ZNF804B: variants seen among roughly 807,000 people sequenced by gnomAD.
ZNF804B encodes the protein zinc finger 804B.
A neutral mutation model predicts 101.4 loss-of-function variants in ZNF804B; 80 were observed. That is an observed-to-expected ratio of 0.79 (90% CI 0.66 to 0.95). The LOEUF is 0.95. ZNF804B is among the 40% of genes least tolerant of loss of function. The probability of loss-of-function intolerance (pLI) is 0.00; values close to 1 mark genes in which losing one functional copy is unlikely to be tolerated. For synonymous variants in ZNF804B, 622 were observed against 558.8 expected, an observed-to-expected ratio of 1.11 and a Z score of -1.59; for missense variants, 1,673 against 1,561.9, an observed-to-expected ratio of 1.07 and a Z score of -1.20.
At chr7:89,134,868 A>G (rs1790606279) in intron 1 of ZNF804B, among the ~76,000 whole-genome samples, 1 of 151,866 alleles carries the variant, frequency 6.6e-6, no homozygotes, top group South Asian at 2.1e-4. Flanking sequence ...TTGAGCTACT[A>G]TGTACTGTGA....
At chr7:89,263,608 G>A (rs1789741706) in intron 2 of ZNF804B, among the ~76,000 whole-genome samples, 1 of 150,316 alleles carries the variant, frequency 6.7e-6, no homozygotes, top group African/African-American at 2.4e-5. Flanking sequence ...TTTTTAAGGT[G>A]ACTTATGCAG....
chr7:88,844,827 C>T (rs1331679659), intron 1 of ZNF804B, among the ~76,000 whole-genome samples: 1 of 152,164 alleles, frequency 6.6e-6, no homozygotes. Flanking sequence ...TGGTTTAACA[C>T]ATAATTTTGA....
intron 1 of ZNF804B, among the ~76,000 whole-genome samples, chr7:88,815,180 A>C (rs7788889): frequency 0.38 from 56,387 of 147,088 alleles, 11,198 homozygotes; most frequent in East Asian, 0.51. Context: ...ATAATAAAAT[A>C]TATAAAATAT....
In ZNF804B at chr7:88,769,257, G is replaced by A. The variant is rs530150335; in HGVS notation, c.108+9173G>A. ...GTCCTGGTGGTAGGTCCACAAAGAA[G>A]ATTTTTCCATAGAGAATTTTTTCCC... is the stretch of plus-strand genomic sequence containing the variant. On this transcript the variant is annotated intron_variant, in intron 1 of 3. Transcript: ENST00000333190. 5.3e-5 allele frequency among the ~76,000 whole-genome samples: 8 copies of A among 152,282 alleles called. No homozygotes were observed. In the East Asian group the frequency reaches 1.5e-3, roughly 29 times the overall value.
At chr7:89,246,898 G>A (rs770935966) in intron 2 of ZNF804B, among the ~76,000 whole-genome samples, 2 of 152,070 alleles carry the variant, frequency 1.3e-5, no homozygotes, top group African/African-American at 2.4e-5. Context: ...GTATGCATGG[G>A]TGCCATCTCT....
At chr7:89,302,557 G>A (rs1187492802) in intron 2 of ZNF804B, among the ~76,000 whole-genome samples, 2 of 151,880 alleles carry the variant, frequency 1.3e-5, no homozygotes, top group African/African-American at 4.8e-5. Flanking sequence ...GTTGATCACA[G>A]AGAAGGAGAG....
intron 1 of ZNF804B, among the ~76,000 whole-genome samples, chr7:89,183,582 G>T (rs1368108659): frequency 6.6e-6 from 1 of 152,092 alleles, no homozygotes; most frequent in Non-Finnish European, 1.5e-5. Flanking sequence ...TTTCCCCTTA[G>T]CTTCAAATAC....
intron 1 of ZNF804B, among the ~76,000 whole-genome samples, chr7:89,057,434 A>T (rs111461867): frequency 0.013 from 1,991 of 152,208 alleles, 53 homozygotes; most frequent in African/African-American, 0.044. Flanking sequence ...CAGACCATCC[A>T]ATGACTGGAG....
At chr7:88,824,245 C>A (rs1791024488) in intron 1 of ZNF804B, among the ~76,000 whole-genome samples, 1 of 152,152 alleles carries the variant, frequency 6.6e-6, no homozygotes, top group Admixed American at 6.6e-5. Flanking sequence ...CATAATCCCA[C>A]ATGTTGTGGA....
chr7:88,786,764 TA>T (rs1437178014), intron 1 of ZNF804B, among the ~76,000 whole-genome samples: 1 of 152,124 alleles, frequency 6.6e-6, no homozygotes, highest in Non-Finnish European at 1.5e-5. Flanking sequence ...TCCATTTCAA[TA>T]ATGAAAATAT....
intron 1 of ZNF804B, among the ~76,000 whole-genome samples, chr7:88,797,762 G>A (rs1790512835): frequency 6.6e-6 from 1 of 152,046 alleles, no homozygotes; most frequent in Non-Finnish European, 1.5e-5. Context: ...TATCCCTCAA[G>A]ATAAGGCTAA....
intron 1 of ZNF804B, among the ~76,000 whole-genome samples, chr7:88,904,251 C>G (rs1338354335): frequency 6.6e-6 from 1 of 152,090 alleles, no homozygotes; most frequent in Non-Finnish European, 1.5e-5. Context: ...TGTCAAAGAT[C>G]AGATAGTTTT....
intron 1 of ZNF804B, among the ~76,000 whole-genome samples, chr7:88,886,725 TAAGA>T (rs1792133977): frequency 6.6e-6 from 1 of 151,564 alleles, no homozygotes; most frequent in African/African-American, 2.4e-5. Flanking sequence ...TAAGTAATCT[TAAGA>T]AAACTATGAA....
chr7:89,041,637 G>C (rs1443137128), intron 1 of ZNF804B, among the ~76,000 whole-genome samples: 1 of 152,196 alleles, frequency 6.6e-6, no homozygotes, highest in African/African-American at 2.4e-5. Flanking sequence ...GATTTGGTGG[G>C]ATGGGGCTGG....
intron 1 of ZNF804B, among the ~76,000 whole-genome samples, chr7:88,822,994 A>G (rs1266092248): frequency 1.3e-5 from 2 of 152,072 alleles, no homozygotes; most frequent in Non-Finnish European, 2.9e-5. Flanking sequence ...GTGTACCACA[A>G]GGTAAGGAGT....
At chr7:89,037,845 G>A (rs114300327) in intron 1 of ZNF804B, among the ~76,000 whole-genome samples, 7 of 152,116 alleles carry the variant, frequency 4.6e-5, no homozygotes, top group African/African-American at 7.2e-5. Flanking sequence ...CGTTCTAAGC[G>A]GCAAATGAAC....
intron 1 of ZNF804B, among the ~76,000 whole-genome samples, chr7:88,847,732 A>G (rs1461833999): frequency 6.6e-6 from 1 of 152,164 alleles, no homozygotes; most frequent in African/African-American, 2.4e-5. Flanking sequence ...ATCTAAATGC[A>G]CTTAGCATGG....
chr7:89,219,192 T>G (rs554321534), intron 2 of ZNF804B, among the ~76,000 whole-genome samples: 7 of 152,132 alleles, frequency 4.6e-5, no homozygotes, highest in Admixed American at 4.6e-4. Context: ...ACTTAACTAG[T>G]TAGTGACAGA....
At chr7:89,118,756 G>A (rs1248199779) in intron 1 of ZNF804B, among the ~76,000 whole-genome samples, 1 of 151,856 alleles carries the variant, frequency 6.6e-6, no homozygotes, top group Non-Finnish European at 1.5e-5. Flanking sequence ...ATTTTTTGTG[G>A]GAAAGTATTA....
Sources: allele counts gnomAD v4.1 joint callset (sites outside exome capture counted in the v4.1 genomes callset), GRCh38; gene constraint gnomAD v4.1.1; transcripts MANE v1.5; gene names NCBI Gene and HGNC (gene_info 2026-07-23, HGNC 2026-07-21).